The following DMD variants were observed in gnomAD, a reference collection of about 807,000 sequenced individuals.
DMD encodes the protein mutant dystrophin.
In DMD, 63 loss-of-function variants were observed where a neutral mutation model predicts 330.1. The ratio of observed to expected loss-of-function variants is 0.19; its 90% CI spans 0.16 to 0.24. The LOEUF is 0.24. Ranked by LOEUF, DMD falls within the 10% of genes least tolerant of loss-of-function variation. The pLI is 1.00. For synonymous variants in DMD, 1,223 were observed against 959.8 expected, an observed-to-expected ratio of 1.27 and a Z score of -5.07; for missense variants, 3,344 against 2,684.1, an observed-to-expected ratio of 1.25 and a Z score of -5.43.
In DMD at chrX:31,704,714, T is replaced by C. The variant is rs193096069; in HGVS notation, c.7660+24917A>G. Among the ~76,000 whole-genome samples, 410 of 111,896 alleles carry C rather than the reference T, an allele frequency of 3.7e-3. 4 individuals are homozygous for C. The highest frequency in any genetic ancestry group is 0.013 in the African/African-American group (389 of 30,893). On this transcript the variant is annotated intron_variant, in intron 52 of 78. Transcript: ENST00000357033. ...CAGAACTTGGTCTCAAGCAAGACTA[T>C]ATTTTTCTAAGTTCTTTAATAAATA...
At chrX:32,339,671 T>G (rs1020470962) in intron 41 of DMD, among the ~76,000 whole-genome samples, 7 of 111,790 alleles carry the variant, frequency 6.3e-5, no homozygotes, top group Non-Finnish European at 5.6e-5. Context: ...GGTTAGCACT[T>G]CTCTGAGTCT....
At chrX:32,856,934 G>T (rs1477249461) in intron 2 of DMD, among the ~76,000 whole-genome samples, 2 of 110,857 alleles carry the variant, frequency 1.8e-5, no homozygotes, top group Non-Finnish European at 3.8e-5. Context: ...AATTAGGTGG[G>T]CTTGGTGGCG....
chrX:32,588,665 G>A (rs2054552148), intron 13 of DMD, among the ~76,000 whole-genome samples: 1 of 112,035 alleles, frequency 8.9e-6, no homozygotes. Context: ...GAGATTGGAT[G>A]GAAGAGCGGT....
At chrX:33,039,671 C>G (rs1197243728) in intron 1 of DMD, among the ~76,000 whole-genome samples, 1 of 111,031 alleles carries the variant, frequency 9.0e-6, no homozygotes, top group Non-Finnish European at 1.9e-5. Context: ...CGGCCTTTCT[C>G]TAATAAAAAT....
At chrX:31,466,001 T>C (rs932248021) in intron 59 of DMD, among the ~76,000 whole-genome samples, 33 of 112,482 alleles carry the variant, frequency 2.9e-4, no homozygotes. Flanking sequence ...AAGTGTCTGT[T>C]CATATCCTTT....
intron 29 of DMD, among the ~76,000 whole-genome samples, chrX:32,413,825 A>G (rs2098154913): frequency 9.7e-6 from 1 of 103,049 alleles, no homozygotes; most frequent in South Asian, 4.4e-4. Context: ...GGTTCAAGTG[A>G]TTCTCCTGCC....
At chrX:31,592,763 T>C (rs978043198) in intron 55 of DMD, among the ~76,000 whole-genome samples, 1 of 110,769 alleles carries the variant, frequency 9.0e-6, no homozygotes, top group Non-Finnish European at 1.9e-5. Context: ...TGTGATCTCA[T>C]CTCTAAGGTT....
chrX:31,656,149 T>C (rs1026385535), intron 54 of DMD, among the ~76,000 whole-genome samples: 11 of 112,301 alleles, frequency 9.8e-5, no homozygotes, highest in Non-Finnish European at 2.1e-4. Context: ...GGAAGAACTT[T>C]ATAGACATGA....
At position 31,366,496 on chromosome X, in the gene DMD, A is replaced by AAAC. The variant is rs2089265599; in HGVS notation, c.9085-17863_9085-17862insGTT. 1.7e-3 allele frequency among the ~76,000 whole-genome samples: 107 copies of AAAC among 63,487 alleles called. 1 individual carries two copies. The highest frequency in any genetic ancestry group is 6.3e-3 in the African/African-American group (100 of 15,940). The allele number at this position is 63,487 out of a possible 115,157, so 55.1% of individuals were successfully genotyped here. A position where few individuals can be genotyped will look rare whatever the true frequency, so the allele number is the denominator to read the frequency against. ...AAAAAAAAAAAAAAAAAAAAAAAAAACATAAAAAAAAAAATAAATAAATAA... is the reference window on the plus strand; with the variant it reads ...AAAAAAAAAAAAAAAAAAAAAAAAAAAACCATAAAAAAAAAAATAAATAAATAA... On this transcript the variant is annotated intron_variant, in intron 60 of 78. Coordinates refer to ENST00000357033, the MANE Select transcript of DMD (RefSeq NM_004006.3).
chrX:32,149,639 T>A (rs1164526145), intron 44 of DMD, among the ~76,000 whole-genome samples: 1 of 111,941 alleles, frequency 8.9e-6, no homozygotes, highest in East Asian at 2.8e-4. Context: ...TGGAGTCTAT[T>A]AATTAAAGAC....
At chrX:31,584,110 A>G (rs939018384) in intron 55 of DMD, among the ~76,000 whole-genome samples, 19 of 109,443 alleles carry the variant, frequency 1.7e-4, no homozygotes, top group Non-Finnish European at 3.4e-4. Flanking sequence ...ATGGCTGCAT[A>G]GTATTCCATG....
Position 32,197,503 on chromosome X carries a change from G to A in DMD, c.6438+19413C>T, listed in dbSNP as rs938927707. Among the ~76,000 whole-genome samples the A allele has an allele frequency of 8.1e-5, 9 of 111,555 alleles. No individual in the cohort carries two copies. The Admixed American group carries it at 8.6e-4, about 11-fold the overall frequency. Reference sequence around the variant, plus strand: ...AAGAATTTCAGCATTTTTGACTTAAGATATAGTTGGTTCACTTAGCCCAGC... The same window carrying A: ...AAGAATTTCAGCATTTTTGACTTAAAATATAGTTGGTTCACTTAGCCCAGC... On this transcript the variant is annotated intron_variant, in intron 44 of 78. Transcript: ENST00000357033.
At chrX:33,120,159 G>A (rs1298255603) in intron 1 of DMD, among the ~76,000 whole-genome samples, 1 of 112,154 alleles carries the variant, frequency 8.9e-6, no homozygotes, top group African/African-American at 3.2e-5. Context: ...CAGACACTGA[G>A]GCAAGGATTT....
intron 38 of DMD, among the ~76,000 whole-genome samples, chrX:32,347,301 A>G (rs1255279117): frequency 8.9e-6 from 1 of 111,991 alleles, no homozygotes; most frequent in African/African-American, 3.2e-5. Flanking sequence ...ACAACAAAAA[A>G]TTAAAAAACC....
intron 1 of DMD, among the ~76,000 whole-genome samples, chrX:33,310,175 A>C (rs931973963): frequency 3.6e-5 from 4 of 111,401 alleles, no homozygotes; most frequent in Non-Finnish European, 7.6e-5. Context: ...TTGAAACATC[A>C]ATATTATTAA....
intron 1 of DMD, among the ~76,000 whole-genome samples, chrX:33,048,984 T>C (rs7885116): frequency 0.02 from 2,192 of 111,246 alleles, 51 homozygotes; most frequent in African/African-American, 0.068. Flanking sequence ...TTCCATGATA[T>C]CTATATGGAC....
chrX:32,144,761 G>A (rs763348033), intron 44 of DMD, among the ~76,000 whole-genome samples: 3 of 111,921 alleles, frequency 2.7e-5, no homozygotes, highest in East Asian at 2.8e-4. Flanking sequence ...GGCTGGGCGC[G>A]GTGGCTCACG....
intron 1 of DMD, among the ~76,000 whole-genome samples, chrX:33,181,824 C>T (rs1009441558): frequency 8.9e-6 from 1 of 111,757 alleles, no homozygotes; most frequent in Admixed American, 9.5e-5. Flanking sequence ...AAAAGAAAAC[C>T]TCTCAGCAGA....
At chrX:32,207,923 G>A (rs2097077479) in intron 44 of DMD, among the ~76,000 whole-genome samples, 1 of 111,466 alleles carries the variant, frequency 9.0e-6, no homozygotes, top group African/African-American at 3.3e-5. Context: ...AGAAATTCAA[G>A]GATAAAATGT....
Sources: gnomAD v4.1 joint callset for allele counts (sites outside exome capture counted in the v4.1 genomes callset) on GRCh38, gnomAD v4.1.1 for gene constraint, MANE v1.5 for transcripts, NCBI Gene and HGNC (gene_info 2026-07-23, HGNC 2026-07-21) for gene names.